SPON1: variants seen among roughly 807,000 people sequenced by gnomAD.
SPON1 encodes spondin-1.
SPON1 carries 52 observed loss-of-function variants against 111.7 expected under a neutral mutation model. The ratio of observed to expected loss-of-function variants is 0.47; its 90% CI spans 0.37 to 0.59. The LOEUF (loss-of-function observed/expected upper bound fraction) is 0.59. SPON1 is among the 20% of genes least tolerant of loss of function. The pLI is 0.00. For synonymous variants in SPON1, 410 were observed against 395.8 expected, an observed-to-expected ratio of 1.04 and a Z score of -0.43; for missense variants, 957 against 1,068.5, an observed-to-expected ratio of 0.90 and a Z score of 1.46.
intron 6 of SPON1, among the ~76,000 whole-genome samples, chr11:14,160,481 T>A (rs868941358): frequency 0.12 from 779 of 6,472 alleles, 138 homozygotes; most frequent in Non-Finnish European, 0.14. Context: ...ATATATATAT[T>A]TATATATATA....
chr11:14,254,642 G>C lies in SPON1; in HGVS notation c.1005G>C (p.Leu335=), dbSNP rs1209797079. Reference sequence around the variant, plus strand: ...ACGTAGGCTTATCTGCAGAAGATCTGTGCACCAAGGAATGTGGCTGGGTCC... The same window carrying C: ...ACGTAGGCTTATCTGCAGAAGATCTCTGCACCAAGGAATGTGGCTGGGTCC... ...DWNVGLSAED[L]CTKECGWVQK... is the part of the protein sequence containing the mutation. Residue 335 remains leucine, a synonymous_variant, in exon 8 of 16, where the codon CTG becomes CTC. Coordinates refer to ENST00000576479, the MANE Select transcript of SPON1 (RefSeq NM_006108.4). The C allele has an allele frequency of 2.5e-6, 4 of 1,613,914 alleles. No homozygotes were observed. The African/African-American group carries it at 5.3e-5, about 22-fold the overall frequency.
At chr11:14,165,393 T>A (rs1848017077) in intron 6 of SPON1, among the ~76,000 whole-genome samples, 1 of 152,140 alleles carries the variant, frequency 6.6e-6, no homozygotes, top group Non-Finnish European at 1.5e-5. Context: ...GTAGTGGGAA[T>A]GGGAGTGACC....
intron 2 of SPON1, among the ~76,000 whole-genome samples, chr11:14,004,578 T>C (rs932114779): frequency 6.6e-6 from 1 of 152,228 alleles, no homozygotes; most frequent in African/African-American, 2.4e-5. Context: ...ATTTCCCTGA[T>C]GATTAATGAT....
At chr11:14,030,490 C>T (rs868991183) in intron 2 of SPON1, among the ~76,000 whole-genome samples, 1 of 152,154 alleles carries the variant, frequency 6.6e-6, no homozygotes, top group Non-Finnish European at 1.5e-5. Context: ...CACAATCCCA[C>T]GTGCTTCTCA....
At chr11:14,088,902 C>A (rs1849028351) in intron 5 of SPON1, among the ~76,000 whole-genome samples, 1 of 151,386 alleles carries the variant, frequency 6.6e-6, no homozygotes, top group Admixed American at 6.6e-5. Flanking sequence ...ATCTGATATC[C>A]CTTCTTCTGC....
chr11:14,043,113 G>A (rs1554917477), intron 3 of SPON1, among the ~76,000 whole-genome samples: 1 of 152,150 alleles, frequency 6.6e-6, no homozygotes, highest in African/African-American at 2.4e-5. Flanking sequence ...ATGGCCTTGT[G>A]GAAATGAACA....
intron 5 of SPON1, among the ~76,000 whole-genome samples, chr11:14,128,490 C>T (rs905784531): frequency 2.6e-5 from 4 of 152,332 alleles, no homozygotes; most frequent in Middle Eastern, 6.8e-3. Flanking sequence ...AGGCCTTGGG[C>T]AGCTCCACCC....
intron 6 of SPON1, among the ~76,000 whole-genome samples, chr11:14,160,917 T>TTATATATTTATATATTTATA: frequency 2.4e-5 from 1 of 41,516 alleles, no homozygotes; most frequent in Middle Eastern, 0.029. Context: ...ATATATATAT[T>TTATATATTTATATATTTATA]TATATATTTA....
chr11:14,157,350 G>A (rs1414871110), intron 6 of SPON1, among the ~76,000 whole-genome samples: 1 of 151,958 alleles, frequency 6.6e-6, no homozygotes, highest in Non-Finnish European at 1.5e-5. Flanking sequence ...GTATTTTTAA[G>A]GCATCACTTG....
chr11:14,166,689 A>G (rs1848033927), intron 6 of SPON1, among the ~76,000 whole-genome samples: 1 of 152,240 alleles, frequency 6.6e-6, no homozygotes, highest in African/African-American at 2.4e-5. Context: ...ACAATTTTAT[A>G]TAACAATTAC....
intron 6 of SPON1, among the ~76,000 whole-genome samples, chr11:14,138,361 T>C (rs1459869880): frequency 6.6e-6 from 1 of 152,176 alleles, no homozygotes; most frequent in Non-Finnish European, 1.5e-5. Flanking sequence ...TTAATAATAA[T>C]AACAGTATAT....
chr11:14,026,174 C>T (rs1848516690), intron 2 of SPON1, among the ~76,000 whole-genome samples: 1 of 152,206 alleles, frequency 6.6e-6, no homozygotes, highest in Non-Finnish European at 1.5e-5. Flanking sequence ...GTATTCCCCC[C>T]AACCCTCCAC....
intron 2 of SPON1, among the ~76,000 whole-genome samples, chr11:14,016,406 A>G (rs1429384833): frequency 6.6e-6 from 1 of 152,250 alleles, no homozygotes; most frequent in Non-Finnish European, 1.5e-5. Context: ...TGTGCTTTCT[A>G]TGGGTCAGCA....
intron 5 of SPON1, among the ~76,000 whole-genome samples, chr11:14,107,590 GAAAAAAAAA>G (rs3047369): frequency 2.5e-5 from 3 of 119,266 alleles, no homozygotes; most frequent in Non-Finnish European, 5.3e-5. Context: ...AGATCCTCAG[GAAAAAAAAA>G]AAAAAAAAAA....
intron 5 of SPON1, among the ~76,000 whole-genome samples, chr11:14,086,093 A>G (rs544818220): frequency 6.6e-6 from 1 of 152,316 alleles, no homozygotes; most frequent in Non-Finnish European, 1.5e-5. Flanking sequence ...ATCTGCAAAC[A>G]GAGACAATTT....
intron 2 of SPON1, among the ~76,000 whole-genome samples, chr11:14,031,193 G>T (rs1554916009): frequency 6.6e-6 from 1 of 152,162 alleles, no homozygotes; most frequent in Non-Finnish European, 1.5e-5. Context: ...GACACCAGGG[G>T]CTACCGGAGC....
chr11:14,045,004 C>G (rs1554917703), intron 3 of SPON1, among the ~76,000 whole-genome samples: 1 of 152,172 alleles, frequency 6.6e-6, no homozygotes, highest in Non-Finnish European at 1.5e-5. Context: ...TATCCTGAAA[C>G]TTGCCTATTG....
At chr11:13,992,896 C>A (rs1448102889) in intron 2 of SPON1, among the ~76,000 whole-genome samples, 1 of 152,092 alleles carries the variant, frequency 6.6e-6, no homozygotes. Flanking sequence ...ACTGTCCAAC[C>A]AGTCCCAATG....
intron 6 of SPON1, among the ~76,000 whole-genome samples, chr11:14,141,029 C>CCCCCCCCCCCCCCA (rs71041572): frequency 1.5e-5 from 2 of 132,270 alleles, no homozygotes; most frequent in Non-Finnish European, 3.3e-5. Flanking sequence ...GTGCCCCCCC[C>CCCCCCCCCCCCCCA]ATGCCCCACT....
Sources: allele counts gnomAD v4.1 joint callset (sites outside exome capture counted in the v4.1 genomes callset), GRCh38; gene constraint gnomAD v4.1.1; transcripts MANE v1.5; gene names NCBI Gene and HGNC (gene_info 2026-07-23, HGNC 2026-07-21).